CANX: variants seen among roughly 807,000 people sequenced by gnomAD.
CANX encodes epididymis secretory sperm binding protein.
Under a neutral mutation model 75.7 loss-of-function variants are expected in CANX, and 14 were observed. The observed-to-expected ratio is 0.19, with a 90% CI of 0.12 to 0.29. CANX has a LOEUF of 0.29. Among genes scored for constraint, CANX ranks in the 10% least tolerant of loss-of-function variants. The pLI, the probability that CANX is intolerant of heterozygous loss-of-function variation, is 1.00. For synonymous variants in CANX, 227 were observed against 236.9 expected (o/e 0.96, Z 0.38); for missense variants, 567 against 713.2 (o/e 0.79, Z 2.34).
chr5:179,725,288 C>A (rs973768125), intron 13 of CANX, among the ~76,000 whole-genome samples: 1 of 151,832 alleles, frequency 6.6e-6, no homozygotes, highest in South Asian at 2.1e-4. Flanking sequence ...TTCACTGCAG[C>A]CTTTGCCTCC....
At chr5:179,720,661 G>A (rs1411773013) in intron 10 of CANX, 101 bp downstream of exon 10, 3 of 1,035,070 alleles carry the variant, frequency 2.9e-6, no homozygotes, top group Non-Finnish European at 4.4e-6. Flanking sequence ...TTATATTCAA[G>A]CTGTTGAATT....
intron 1 of CANX, among the ~76,000 whole-genome samples, chr5:179,687,719 C>T (rs1205090019): frequency 6.6e-6 from 1 of 152,052 alleles, no homozygotes; most frequent in Non-Finnish European, 1.5e-5. Flanking sequence ...TTTCTCCCTC[C>T]ACAGTATGTC....
chr5:179,697,672 A>C (rs28656195), upstream of CANX, among the ~76,000 whole-genome samples: 149,204 of 152,240 alleles, frequency 0.98, 73,184 homozygotes, highest in East Asian at 1. Flanking sequence ...TGTGGGAGGC[A>C]GAGGCAGGTC....
chr5:179,714,575 T>C (rs1463077750), intron 7 of CANX, among the ~76,000 whole-genome samples: 3 of 151,942 alleles, frequency 2.0e-5, no homozygotes, highest in Non-Finnish European at 4.4e-5. Context: ...TGGAGTGCAG[T>C]GGTGCGATCT....
chr5:179,691,745 A>G (rs990413352), intron 1 of CANX, among the ~76,000 whole-genome samples: 10 of 151,732 alleles, frequency 6.6e-5, no homozygotes, highest in African/African-American at 2.2e-4. Context: ...TAGTTTCACT[A>G]TATCTCTCTT....
At chr5:179,698,527 CT>C (rs1257568036), upstream of CANX, 1 of 1,289,452 alleles carries the variant, frequency 7.8e-7, no homozygotes, top group Non-Finnish European at 1.0e-6. Flanking sequence ...ACTCCTACCC[CT>C]TTTGCCGGCT....
rs76668626 is a variant in CANX at position 179,707,213 on chromosome 5, A to G, written c.304+23A>G. 963 of 1,293,722 alleles carry G rather than the reference A, an allele frequency of 7.4e-4. 7 individuals are homozygous for G. In the African/African-American group the frequency reaches 0.013, roughly 17 times the overall value. The allele number at this position is 1,293,722 out of a possible 1,614,324, so 80.1% of individuals were successfully genotyped here. ...ATGGTGAGAATCCCATTTGGTTTAG[A>G]TATAATAGCAGATAGAGGTTTGACA... On this transcript the variant is annotated intron_variant, in intron 4 of 14. Coordinates refer to ENST00000247461, the MANE Select transcript of CANX (RefSeq NM_001746.4).
At chr5:179,698,484 T>C (rs755507613), upstream of CANX, 18 of 1,289,178 alleles carry the variant, frequency 1.4e-5, no homozygotes, top group South Asian at 2.2e-4. Flanking sequence ...CCGCGTTCGC[T>C]GCAACGGGCC....
At chr5:179,701,731 A>T (rs1382335275) in intron 1 of CANX, among the ~76,000 whole-genome samples, 3 of 93,388 alleles carry the variant, frequency 3.2e-5, no homozygotes, top group African/African-American at 3.7e-5. Context: ...ACTCCAACAG[A>T]TGTACTTTTT....
At chr5:179,691,580 C>T (rs1776299177) in intron 1 of CANX, among the ~76,000 whole-genome samples, 1 of 151,896 alleles carries the variant, frequency 6.6e-6, no homozygotes, top group Non-Finnish European at 1.5e-5. Flanking sequence ...GTCAAATTGC[C>T]TGATCATGAA....
upstream of CANX, chr5:179,694,358 G>T (rs56110029): frequency 1.7e-6 from 1 of 580,276 alleles, no homozygotes; most frequent in Non-Finnish European, 3.1e-6. Context: ...GGAAAGAGAA[G>T]TCTAAATTTG....
chr5:179,701,989 C>A (rs1257420749), intron 1 of CANX, among the ~76,000 whole-genome samples: 3 of 151,794 alleles, frequency 2.0e-5, no homozygotes. Context: ...AGTCCGCCCA[C>A]CTCGGCCTCC....
chr5:179,702,597 T>C (rs764565594), intron 1 of CANX, among the ~76,000 whole-genome samples: 8 of 152,186 alleles, frequency 5.3e-5, no homozygotes, highest in Non-Finnish European at 1.2e-4. Flanking sequence ...CATCCATTGA[T>C]GGACACTTGG....
intron 13 of CANX, 93 bp from the exon 14 acceptor site, chr5:179,726,587 A>C: frequency 1.1e-6 from 1 of 884,744 alleles, no homozygotes; most frequent in Middle Eastern, 2.3e-4. Flanking sequence ...AAAAAAAAAA[A>C]AAAAAATTGT....
intron 11 of CANX, 117 bp from the exon 12 acceptor site, chr5:179,723,543 C>T: frequency 1.0e-6 from 1 of 965,390 alleles, no homozygotes; most frequent in Non-Finnish European, 1.5e-6. Flanking sequence ...TGAGCATTTT[C>T]TCTGAAAAAG....
intron 1 of CANX, among the ~76,000 whole-genome samples, chr5:179,701,294 A>T (rs1316026305): frequency 1.3e-5 from 2 of 152,072 alleles, no homozygotes; most frequent in Non-Finnish European, 2.9e-5. Context: ...AAACTACTTT[A>T]AAAAGTGTAA....
chr5:179,698,992 T>G lies in CANX; in HGVS notation c.-114T>G. ...AGCGGTGGCCGAGGCCTCTTGGTTC[T>G]GCGGCACGTGACGGTCGGGCCGCCT... On this transcript the variant is annotated 5_prime_UTR_variant, in exon 1 of 15. Coordinates refer to ENST00000247461, the MANE Select transcript of CANX (RefSeq NM_001746.4). 1 of 1,122,108 alleles carries G rather than the reference T, an allele frequency of 8.9e-7. No homozygotes were observed. Among genetic ancestry groups the G allele is most frequent in the Non-Finnish European group, 1.1e-6 (1 of 910,530 alleles). 69.5% of individuals were successfully genotyped at this position (1,122,108 alleles called of 1,614,324 possible).
chr5:179,694,144 C>CAA (rs55708497), upstream of CANX: 2,619 of 103,754 alleles, frequency 0.025, 193 homozygotes, highest in African/African-American at 0.12. Context: ...AACTCCGTCT[C>CAA]AAAAAAAAAA....
chr5:179,721,279 G>A (rs1368233118), intron 10 of CANX, among the ~76,000 whole-genome samples: 1 of 151,976 alleles, frequency 6.6e-6, no homozygotes, highest in Non-Finnish European at 1.5e-5. Flanking sequence ...TAGTAGAGAC[G>A]GGGCTTCGCC....
Sources: gnomAD v4.1 joint callset for allele counts (sites outside exome capture counted in the v4.1 genomes callset) on GRCh38, gnomAD v4.1.1 for gene constraint, MANE v1.5 for transcripts, NCBI Gene and HGNC (gene_info 2026-07-23, HGNC 2026-07-21) for gene names.